Variants in RPS6KA6 observed in about 807,000 individuals in gnomAD.
RPS6KA6 encodes ribosomal protein S6 kinase A6, also known as ribosomal protein S6 kinase alpha-6.
A neutral mutation model predicts 65.4 loss-of-function variants in RPS6KA6; 27 were observed. That is an observed-to-expected ratio of 0.41 (90% CI 0.30 to 0.57). The LOEUF is 0.57. RPS6KA6 is among the 20% of genes least tolerant of loss of function. RPS6KA6 has a pLI of 0.24. For synonymous variants in RPS6KA6, 190 were observed against 184.2 expected, an observed-to-expected ratio of 1.03 and a Z score of -0.26; for missense variants, 486 against 555.6, an observed-to-expected ratio of 0.87 and a Z score of 1.26.
At chrX:84,141,022 A>T (rs1344345559) in intron 6 of RPS6KA6, among the ~76,000 whole-genome samples, 1 of 110,565 alleles carries the variant, frequency 9.0e-6, no homozygotes, top group Non-Finnish European at 1.9e-5. Context: ...GCTTAAACAC[A>T]AGGCCCAAAA....
rs1384979372 is a variant in RPS6KA6 at position 84,059,709 on chromosome X, T to C, written c.*4568A>G. On this transcript the variant is annotated 3_prime_UTR_variant, in exon 22 of 22. Coordinates refer to ENST00000262752, the MANE Select transcript of RPS6KA6 (RefSeq NM_014496.5). ...TACCTTTTGAAGAATAAATTATTAG[T>C]TCCCATAACTAGACAGTTGGAATTA... The C allele has an allele frequency of 1.8e-5, 2 of 111,772 alleles. No individual in the cohort carries two copies. Among genetic ancestry groups the C allele is most frequent in the African/African-American group, 6.5e-5 (2 of 30,791 alleles). 9.2% of individuals were successfully genotyped at this position (111,772 alleles called of 1,213,427 possible). A position where few individuals can be genotyped will look rare whatever the true frequency, so the allele number is the denominator to read the frequency against.
At chrX:84,120,156 T>C in intron 8 of RPS6KA6, 129 bp from the exon 9 acceptor site, 2 of 391,562 alleles carry the variant, frequency 5.1e-6, no homozygotes, top group Non-Finnish European at 8.3e-6. Context: ...CTTAAGAAAG[T>C]TCCTGTGAGA....
intron 12 of RPS6KA6, among the ~76,000 whole-genome samples, chrX:84,115,673 T>C (rs1179107124): frequency 8.9e-6 from 1 of 111,906 alleles, no homozygotes; most frequent in Non-Finnish European, 1.9e-5. Flanking sequence ...ATCACAGCAC[T>C]GTTCACAATA....
intron 6 of RPS6KA6, among the ~76,000 whole-genome samples, chrX:84,138,468 G>C (rs1043323877): frequency 1.8e-5 from 2 of 111,101 alleles, no homozygotes; most frequent in Admixed American, 9.6e-5. Context: ...CATGAGGATT[G>C]CCTGAGCATG....
chrX:84,093,470 C>T (rs912410751), intron 20 of RPS6KA6, among the ~76,000 whole-genome samples: 1 of 111,687 alleles, frequency 9.0e-6, no homozygotes, highest in Non-Finnish European at 1.9e-5. Context: ...TAAAGTCACC[C>T]GATCCATAAA....
intron 1 of RPS6KA6, among the ~76,000 whole-genome samples, chrX:84,174,411 T>C (rs1335052998): frequency 8.9e-6 from 1 of 111,809 alleles, no homozygotes; most frequent in Non-Finnish European, 1.9e-5. Context: ...AGGGCAATTA[T>C]GTTTCAAATC....
chrX:84,088,928 G>T (rs2033987087), intron 20 of RPS6KA6, among the ~76,000 whole-genome samples: 1 of 111,535 alleles, frequency 9.0e-6, no homozygotes, highest in African/African-American at 3.3e-5. Context: ...GCTGTGCTGG[G>T]TTGTGGGGGA....
At chrX:84,134,909 T>C in intron 7 of RPS6KA6, 90 bp from the exon 8 acceptor site, 1 of 675,513 alleles carries the variant, frequency 1.5e-6, no homozygotes, top group South Asian at 3.0e-5. Context: ...GATAGGTCAG[T>C]ATCTATTTAA....
chrX:84,069,764 A>G (rs1235766973), intron 20 of RPS6KA6, among the ~76,000 whole-genome samples: 1 of 112,497 alleles, frequency 8.9e-6, no homozygotes, highest in Non-Finnish European at 1.9e-5. Context: ...ATGAACAGAC[A>G]CTTCTCAAAA....
chrX:84,075,103 C>A (rs764431083), intron 20 of RPS6KA6, among the ~76,000 whole-genome samples: 117 of 110,662 alleles, frequency 1.1e-3, no homozygotes, highest in Middle Eastern at 4.7e-3. Flanking sequence ...CGTGGTGGTG[C>A]ACCCCTGAAT....
At chrX:84,163,616 G>T (rs968029930) in intron 2 of RPS6KA6, among the ~76,000 whole-genome samples, 1 of 96,803 alleles carries the variant, frequency 1.0e-5, no homozygotes, top group Non-Finnish European at 2.1e-5. Context: ...TCCGCAGTCC[G>T]GCCTGGGCGA....
chrX:84,128,109 C>T (rs1334151971), intron 8 of RPS6KA6, among the ~76,000 whole-genome samples: 1 of 111,572 alleles, frequency 9.0e-6, no homozygotes, highest in East Asian at 2.8e-4. Context: ...AACTGACAAA[C>T]TCAGCAAAGT....
intron 8 of RPS6KA6, 73 bp downstream of exon 8, chrX:84,134,709 T>C: frequency 1.4e-6 from 1 of 699,413 alleles, no homozygotes. Flanking sequence ...AAAACAGGCT[T>C]AGACAAATTT....
At position 84,065,126 on chromosome X, in the gene RPS6KA6, A is replaced by ATG. The variant is rs1295926516; in HGVS notation, c.1972-17_1972-16dup. 4.4e-6 allele frequency: 5 copies of ATG among 1,129,126 alleles called. No homozygotes were observed. The highest frequency in any genetic ancestry group is 2.3e-5 in the Admixed American group (1 of 44,025). The allele number at this position is 1,129,126 out of a possible 1,213,427, so 93.1% of individuals were successfully genotyped here. ...GAAAGCAAATCCTAAATTAAAAAAA[A>ATG]TGTGTGTGTATATATATATACATGT... On this transcript the variant is annotated splice_polypyrimidine_tract_variant and intron_variant, in intron 20 of 21. Coordinates refer to ENST00000262752, the MANE Select transcript of RPS6KA6 (RefSeq NM_014496.5).
chrX:84,123,661 T>C (rs2034720941), intron 8 of RPS6KA6, among the ~76,000 whole-genome samples: 1 of 112,066 alleles, frequency 8.9e-6, no homozygotes. Context: ...AGTGCCAGCT[T>C]AGCTGCAGTA....
Position 84,187,994 on chromosome X carries a change from CCG to C in RPS6KA6, c.-97_-96del. 1 of 645,473 alleles carries C rather than the reference CCG, an allele frequency of 1.5e-6. No individual in the cohort carries two copies. The highest frequency in any genetic ancestry group is 2.1e-6 in the Non-Finnish European group (1 of 482,095). 53.2% of individuals were successfully genotyped at this position (645,473 alleles called of 1,213,427 possible). A position where few individuals can be genotyped will look rare whatever the true frequency, so the allele number is the denominator to read the frequency against. ...AACTGGCCCGCCGCCGCCGCCGCCGCCGCCGCCGCCGCCGCGACCCCCAGCCC... is the reference window on the plus strand; with the variant it reads ...AACTGGCCCGCCGCCGCCGCCGCCGCCCGCCGCCGCCGCGACCCCCAGCCC... On this transcript the variant is annotated 5_prime_UTR_variant, in exon 1 of 22. Coordinates refer to ENST00000262752, the MANE Select transcript of RPS6KA6 (RefSeq NM_014496.5).
intron 8 of RPS6KA6, among the ~76,000 whole-genome samples, chrX:84,131,469 G>C (rs1035986487): frequency 7.1e-5 from 8 of 112,158 alleles, no homozygotes; most frequent in African/African-American, 2.6e-4. Context: ...ATTTACAAAA[G>C]TAAATATAAT....
chrX:84,089,230 C>T (rs1323034818), intron 20 of RPS6KA6, among the ~76,000 whole-genome samples: 1 of 112,080 alleles, frequency 8.9e-6, no homozygotes, highest in Non-Finnish European at 1.9e-5. Flanking sequence ...CTGGACTCCT[C>T]GGAGCTGGCA....
At chrX:84,139,955 T>C (rs2035065959) in intron 6 of RPS6KA6, among the ~76,000 whole-genome samples, 1 of 111,606 alleles carries the variant, frequency 9.0e-6, no homozygotes, top group Non-Finnish European at 1.9e-5. Flanking sequence ...CCTGAGTAGA[T>C]AAGCCAGAAC....
Sources: gnomAD v4.1 joint callset for allele counts (sites outside exome capture counted in the v4.1 genomes callset) on GRCh38, gnomAD v4.1.1 for gene constraint, MANE v1.5 for transcripts, NCBI Gene and HGNC (gene_info 2026-07-23, HGNC 2026-07-21) for gene names.